YIPF4: variants seen among roughly 807,000 people sequenced by gnomAD.
The protein encoded by YIPF4 is Yip1 domain family member 4.
Under a neutral mutation model 29.4 loss-of-function variants are expected in YIPF4, and 18 were observed. The ratio of observed to expected loss-of-function variants is 0.61; its 90% CI spans 0.42 to 0.91. YIPF4 has a LOEUF of 0.91. Ranked by LOEUF, YIPF4 falls within the 40% of genes least tolerant of loss-of-function variation. The pLI is 0.00. For synonymous variants in YIPF4, 115 were observed against 104.7 expected (o/e 1.10, Z -0.60); for missense variants, 279 against 282.7 (o/e 0.99, Z 0.09).
At chr2:32,297,883 C>T (rs138571269) in intron 3 of YIPF4, among the ~76,000 whole-genome samples, 18 of 152,194 alleles carry the variant, frequency 1.2e-4, no homozygotes, top group Admixed American at 1.2e-3. Flanking sequence ...TTAAAGACTT[C>T]CAGAGAAGAT....
At chr2:32,280,009 G>T (rs907585765) in intron 1 of YIPF4, among the ~76,000 whole-genome samples, 8 of 148,514 alleles carry the variant, frequency 5.4e-5, no homozygotes, top group African/African-American at 1.7e-4. Context: ...TGATCCTCCC[G>T]CTTCAGTCTC....
At position 32,306,637 on chromosome 2, in the gene YIPF4, A is replaced by G. The variant is rs2031589893; in HGVS notation, c.*1011A>G. The G allele has an allele frequency of 1.0e-6, 1 of 974,904 alleles. No individual in the cohort carries two copies. The highest frequency in any genetic ancestry group is 6.1e-5 in the Admixed American group (1 of 16,262). 60.4% of individuals were successfully genotyped at this position (974,904 alleles called of 1,614,324 possible). A position where few individuals can be genotyped will look rare whatever the true frequency, so the allele number is the denominator to read the frequency against. On this transcript the variant is annotated 3_prime_UTR_variant, in exon 6 of 6. Transcript: ENST00000238831. ...TTTTAACAAGTATCAGGTACTCTCT[A>G]ACAAATGTACAGTTTTTGCTAAGGG...
At position 32,290,541 on chromosome 2, in the gene YIPF4, CA is replaced by C. The variant is rs1447899438; in HGVS notation, c.141del (p.Glu48AsnfsTer8). On this transcript the variant is annotated frameshift_variant, in exon 2 of 6. Coordinates refer to ENST00000238831, the MANE Select transcript of YIPF4 (RefSeq NM_032312.4). LOFTEE classifies it high-confidence loss of function. ...VKLNLGGDFI[K>X]ESTATTFLRQ... ...AATTAAATCTTGGTGGAGATTTTAT[CA>C]AAGAATCTACAGCTACTACATTTCT... 1.3e-6 allele frequency: 2 copies of C among 1,582,448 alleles called. No homozygotes were observed. Among genetic ancestry groups the C allele is most frequent in the Non-Finnish European group, 8.6e-7 (1 of 1,165,078 alleles).
chr2:32,281,516 A>C (rs2030413678), intron 1 of YIPF4, among the ~76,000 whole-genome samples: 1 of 152,176 alleles, frequency 6.6e-6, no homozygotes, highest in South Asian at 2.1e-4. Flanking sequence ...TACTGGGATT[A>C]CAGGCATGAG....
rs1164671332 is a variant in YIPF4 at position 32,309,477 on chromosome 2, A to G, written c.*3851A>G. 2 of 152,220 alleles carry G rather than the reference A, an allele frequency of 1.3e-5. No individual in the cohort carries two copies. The highest frequency in any genetic ancestry group is 4.8e-5 in the African/African-American group (2 of 41,464). The allele number at this position is 152,220 out of a possible 1,614,324, so 9.4% of individuals were successfully genotyped here. A position where few individuals can be genotyped will look rare whatever the true frequency, so the allele number is the denominator to read the frequency against. ...TTAGTGAAAATTTGCATTGAATTAA[A>G]ATGTGAAGTAAATATTTTTGTTTAA... On this transcript the variant is annotated 3_prime_UTR_variant, in exon 6 of 6. Coordinates refer to ENST00000238831, the MANE Select transcript of YIPF4 (RefSeq NM_032312.4).
intron 5 of YIPF4, among the ~76,000 whole-genome samples, chr2:32,302,692 A>G (rs13016755): frequency 1.3e-5 from 2 of 152,236 alleles, no homozygotes; most frequent in Admixed American, 1.3e-4. Context: ...ACATATATGT[A>G]TATTACACAG....
At chr2:32,293,427 G>C (rs1264928728) in intron 3 of YIPF4, among the ~76,000 whole-genome samples, 1 of 152,204 alleles carries the variant, frequency 6.6e-6, no homozygotes, top group Admixed American at 6.5e-5. Context: ...AGATCAACAG[G>C]ATCCCAAGGC....
In YIPF4 at chr2:32,306,531, A is replaced by G. The variant is rs2031587258; in HGVS notation, c.*905A>G. On this transcript the variant is annotated 3_prime_UTR_variant, in exon 6 of 6. Coordinates refer to ENST00000238831, the MANE Select transcript of YIPF4 (RefSeq NM_032312.4). ...CTTTAAAATCTTGTGGTGTTGAACA[A>G]TGTTATATGAAGTAGAAAAAATAAA... 1.0e-6 allele frequency: 1 copy of G among 985,068 alleles called. No homozygotes were observed. The highest frequency in any genetic ancestry group is 1.2e-6 in the Non-Finnish European group (1 of 829,622). 61.0% of individuals were successfully genotyped at this position (985,068 alleles called of 1,614,324 possible).
At chr2:32,297,534 G>T (rs1367372820) in intron 3 of YIPF4, among the ~76,000 whole-genome samples, 2 of 152,210 alleles carry the variant, frequency 1.3e-5, no homozygotes, top group African/African-American at 4.8e-5. Flanking sequence ...TTGGGAGGCT[G>T]AGGTAGGAGG....
At position 32,309,062 on chromosome 2, in the gene YIPF4, A is replaced by G. The variant is rs535177864; in HGVS notation, c.*3436A>G. ...AAAAAAAAAAAAAATCAAAATCTATATAATTAAGCATTGTTTTTTAAAAAG... is the reference window on the plus strand; with the variant it reads ...AAAAAAAAAAAAAATCAAAATCTATGTAATTAAGCATTGTTTTTTAAAAAG... On this transcript the variant is annotated 3_prime_UTR_variant, in exon 6 of 6. Coordinates refer to ENST00000238831, the MANE Select transcript of YIPF4 (RefSeq NM_032312.4). The G allele has an allele frequency of 2.0e-5, 3 of 152,036 alleles. No individual in the cohort carries two copies. The highest frequency in any genetic ancestry group is 1.9e-4 in the East Asian group (1 of 5,186). 9.4% of individuals were successfully genotyped at this position (152,036 alleles called of 1,614,324 possible).
At chr2:32,297,665 A>T (rs923185083) in intron 3 of YIPF4, among the ~76,000 whole-genome samples, 1 of 151,978 alleles carries the variant, frequency 6.6e-6, no homozygotes, top group East Asian at 1.9e-4. Context: ...AAATAAATAC[A>T]TAAATAAAAT....
At chr2:32,291,063 T>G (rs1317286835) in intron 2 of YIPF4, 1 of 152,350 alleles carries the variant, frequency 6.6e-6, no homozygotes, top group Non-Finnish European at 1.5e-5. Flanking sequence ...ATAAAGAGGC[T>G]TTCACTTTCT....
At chr2:32,294,552 G>A (rs1206700328) in intron 3 of YIPF4, among the ~76,000 whole-genome samples, 4 of 151,100 alleles carry the variant, frequency 2.6e-5, no homozygotes, top group East Asian at 2.0e-4. Context: ...ATGGGATGGC[G>A]GCCGGGCAGA....
At chr2:32,283,474 T>C (rs2030524132) in intron 1 of YIPF4, among the ~76,000 whole-genome samples, 1 of 152,218 alleles carries the variant, frequency 6.6e-6, no homozygotes, top group Admixed American at 6.5e-5. Context: ...CTTTGGTGTT[T>C]TGTCTCCATG....
chr2:32,311,487 A>G lies in YIPF4; in HGVS notation c.*5861A>G, dbSNP rs971130173. 1 of 152,202 alleles carries G rather than the reference A, an allele frequency of 6.6e-6. No homozygotes were observed. Among genetic ancestry groups the G allele is most frequent in the Non-Finnish European group, 1.5e-5 (1 of 68,038 alleles). 9.4% of individuals were successfully genotyped at this position (152,202 alleles called of 1,614,324 possible). ...TCTTGGTTTCAACTTTTCTATTTTC[A>G]GCAAGATATTTGCAAGTTTTTACTT... is the stretch of plus-strand genomic sequence containing the variant. On this transcript the variant is annotated 3_prime_UTR_variant, in exon 6 of 6. Coordinates refer to ENST00000238831, the MANE Select transcript of YIPF4 (RefSeq NM_032312.4).
intron 4 of YIPF4, 146 bp from the exon 5 acceptor site, chr2:32,301,236 T>TTC: frequency 1.8e-6 from 1 of 568,928 alleles, no homozygotes; most frequent in Non-Finnish European, 3.1e-6. Flanking sequence ...TATATGATAT[T>TTC]TTGAAATAAT....
At chr2:32,280,033 G>T (rs940430600) in intron 1 of YIPF4, among the ~76,000 whole-genome samples, 2 of 150,454 alleles carry the variant, frequency 1.3e-5, no homozygotes, top group Non-Finnish European at 3.0e-5. Context: ...AGTAGCTGGA[G>T]ACCGTCTGGT....
chr2:32,294,739 G>A (rs1345587748), intron 3 of YIPF4, among the ~76,000 whole-genome samples: 1 of 152,208 alleles, frequency 6.6e-6, no homozygotes, highest in African/African-American at 2.4e-5. Flanking sequence ...AGGTTGTAGC[G>A]AGCCGAGATC....
At position 32,290,645 on chromosome 2, in the gene YIPF4, AAAT is replaced by A. The variant is rs761374845; in HGVS notation, c.233+17_233+19del. 39 of 1,438,416 alleles carry A rather than the reference AAAT, an allele frequency of 2.7e-5. No individual in the cohort carries two copies. The African/African-American group carries it at 5.0e-4, about 19-fold the overall frequency. The allele number at this position is 1,438,416 out of a possible 1,614,324, so 89.1% of individuals were successfully genotyped here. Reference sequence around the variant, plus strand: ...GATAACAAGCCACTCTTGTATGTAAAAATAATAATATATATTTTTTGTTTTTTG... The same window carrying A: ...GATAACAAGCCACTCTTGTATGTAAAAATAATATATATTTTTTGTTTTTTG... On this transcript the variant is annotated intron_variant, in intron 2 of 5. Transcript: ENST00000238831.
Sources: allele counts gnomAD v4.1 joint callset (sites outside exome capture counted in the v4.1 genomes callset), GRCh38; gene constraint gnomAD v4.1.1; transcripts MANE v1.5; gene names NCBI Gene and HGNC (gene_info 2026-07-23, HGNC 2026-07-21).